Variants in TLN2 observed in about 807,000 individuals in gnomAD.
TLN2 encodes the protein talin 2, also known as talin-2.
Under a neutral mutation model 294.7 loss-of-function variants are expected in TLN2, and 118 were observed. The ratio of observed to expected loss-of-function variants is 0.40; its 90% CI spans 0.34 to 0.47. TLN2 has a LOEUF of 0.47. Ranked by LOEUF, TLN2 falls within the 20% of genes least tolerant of loss-of-function variation. The pLI is 0.84. For missense variants in TLN2, 3,083 were observed against 3,282.2 expected (o/e 0.94, Z 1.48); for synonymous variants, 1,431 against 1,304.5 (o/e 1.10, Z -2.09).
intron 52 of TLN2, among the ~76,000 whole-genome samples, chr15:62,811,603 C>T (rs931481778): frequency 2.0e-5 from 3 of 152,126 alleles, no homozygotes; most frequent in African/African-American, 7.2e-5. Flanking sequence ...GCTACATGGC[C>T]ACTGTGTTAT....
At chr15:62,632,288 G>A (rs1342432887) in intron 3 of TLN2, among the ~76,000 whole-genome samples, 1 of 152,206 alleles carries the variant, frequency 6.6e-6, no homozygotes, top group African/African-American at 2.4e-5. Flanking sequence ...CTTAGGTCTT[G>A]TCTGGAAAGG....
chr15:62,817,433 T>C (rs952964024), intron 52 of TLN2, among the ~76,000 whole-genome samples: 18 of 152,286 alleles, frequency 1.2e-4, no homozygotes, highest in Non-Finnish European at 1.8e-4. Context: ...CATGGAACAG[T>C]AGCAAATATG....
chr15:62,489,110 G>C (rs1190482253), intron 1 of TLN2, among the ~76,000 whole-genome samples: 2 of 152,166 alleles, frequency 1.3e-5, no homozygotes, highest in Non-Finnish European at 2.9e-5. Context: ...GCAGTGAGTT[G>C]AGATTGTGCC....
At chr15:62,815,552 G>T (rs1374854076) in intron 52 of TLN2, among the ~76,000 whole-genome samples, 4 of 152,216 alleles carry the variant, frequency 2.6e-5, no homozygotes, top group Admixed American at 2.0e-4. Flanking sequence ...GTCATTTTCA[G>T]GTGGTACATG....
intron 41 of TLN2, among the ~76,000 whole-genome samples, chr15:62,766,787 C>G (rs921517634): frequency 6.6e-6 from 1 of 152,180 alleles, no homozygotes; most frequent in Admixed American, 6.5e-5. Context: ...GGCTGGCCGG[C>G]CAGCCCCATT....
At chr15:62,586,014 C>A (rs532288409) in intron 1 of TLN2, among the ~76,000 whole-genome samples, 2 of 147,060 alleles carry the variant, frequency 1.4e-5, no homozygotes, top group South Asian at 4.7e-4. Context: ...GAAGAGGAAA[C>A]TGAGGCACAG....
chr15:62,597,414 C>T (rs1464979616), intron 2 of TLN2, among the ~76,000 whole-genome samples: 1 of 152,186 alleles, frequency 6.6e-6, no homozygotes. Flanking sequence ...CCTTTTGCCC[C>T]TCAGTGGAGT....
chr15:62,551,437 C>T (rs1168528060), intron 1 of TLN2, among the ~76,000 whole-genome samples: 5 of 151,680 alleles, frequency 3.3e-5, no homozygotes, highest in African/African-American at 9.7e-5. Context: ...GTTGGGAGGC[C>T]GAGACAGGCA....
rs2041059163 is a variant in TLN2 at position 62,531,851 on chromosome 15, C to T, written c.-237-57836C>T. On this transcript the variant is annotated intron_variant, in intron 1 of 58. Coordinates refer to ENST00000636159, the MANE Select transcript of TLN2 (RefSeq NM_015059.3). ...TTGATGTTCATCCCCAAATCATTAT[C>T]TCTGAGAGGAATGGGCTAGAAGCCT... Among the ~76,000 whole-genome samples the T allele has an allele frequency of 2.0e-5, 3 of 151,988 alleles. No homozygotes were observed. In the South Asian group the frequency reaches 6.2e-4, roughly 32 times the overall value.
intron 1 of TLN2, among the ~76,000 whole-genome samples, chr15:62,570,728 A>G (rs1246151154): frequency 6.6e-6 from 1 of 152,208 alleles, no homozygotes; most frequent in Admixed American, 6.5e-5. Context: ...TCTACCCACT[A>G]TGCCAGTAGC....
chr15:62,766,647 A>C (rs891248982), intron 41 of TLN2, among the ~76,000 whole-genome samples: 6 of 152,218 alleles, frequency 3.9e-5, no homozygotes, highest in African/African-American at 7.2e-5. Flanking sequence ...AGAAAACTTC[A>C]GTGCAGTTTT....
chr15:62,416,711 G>C (rs2034107039), intron 1 of TLN2, among the ~76,000 whole-genome samples: 3 of 152,332 alleles, frequency 2.0e-5, no homozygotes, highest in Admixed American at 6.5e-5. Context: ...TGGCCTGACA[G>C]GAGCCACCCT....
At chr15:62,398,385 C>T (rs966713064) in intron 1 of TLN2, among the ~76,000 whole-genome samples, 2 of 152,122 alleles carry the variant, frequency 1.3e-5, no homozygotes, top group African/African-American at 4.8e-5. Context: ...AAACCTGTTT[C>T]CTTTATAAAT....
At chr15:62,825,517 C>T (rs2067971579) in intron 54 of TLN2, among the ~76,000 whole-genome samples, 1 of 150,244 alleles carries the variant, frequency 6.7e-6, no homozygotes, top group Non-Finnish European at 1.5e-5. Context: ...CTTTGAGTGG[C>T]ACTCATTGGT....
chr15:62,496,758 A>G (rs774457547), intron 1 of TLN2, among the ~76,000 whole-genome samples: 1 of 152,256 alleles, frequency 6.6e-6, no homozygotes, highest in Non-Finnish European at 1.5e-5. Context: ...TTTAAAAATT[A>G]TAATGTGAAT....
intron 41 of TLN2, among the ~76,000 whole-genome samples, chr15:62,766,686 C>T (rs1330546485): frequency 6.6e-6 from 1 of 152,160 alleles, no homozygotes; most frequent in Non-Finnish European, 1.5e-5. Context: ...TGTAATTTGG[C>T]ATTTACAGTC....
chr15:62,540,959 C>T (rs571122916), intron 1 of TLN2, among the ~76,000 whole-genome samples: 8 of 152,222 alleles, frequency 5.3e-5, no homozygotes, highest in African/African-American at 1.9e-4. Context: ...GAGGTTTGCT[C>T]TGGTCCCTGC....
At chr15:62,681,315 CT>C (rs2056806367) in intron 11 of TLN2, among the ~76,000 whole-genome samples, 1 of 152,054 alleles carries the variant, frequency 6.6e-6, no homozygotes, top group Admixed American at 6.5e-5. Flanking sequence ...GTAATTCCAC[CT>C]TCCCATTCAC....
chr15:62,697,961 A>C, intron 15 of TLN2, 93 bp downstream of exon 15: 1 of 1,452,264 alleles, frequency 6.9e-7, no homozygotes, highest in South Asian at 1.2e-5. Context: ...GAGTGTTGGA[A>C]CGCTCTCTAT....
Sources: gnomAD v4.1 joint callset for allele counts (sites outside exome capture counted in the v4.1 genomes callset) on GRCh38, gnomAD v4.1.1 for gene constraint, MANE v1.5 for transcripts, NCBI Gene and HGNC (gene_info 2026-07-23, HGNC 2026-07-21) for gene names.